Variants in RANBP17 observed in about 807,000 individuals in gnomAD.
RANBP17 encodes the protein ran-binding protein 17.
A neutral mutation model predicts 141.2 loss-of-function variants in RANBP17; 158 were observed. The observed-to-expected ratio is 1.12, with a 90% CI of 0.98 to 1.28. The LOEUF (loss-of-function observed/expected upper bound fraction) is 1.28. RANBP17 is among the 50% of genes most tolerant of loss of function. The pLI is 0.00. For missense variants in RANBP17, 1,438 were observed against 1,290.7 expected (o/e 1.11, Z -1.75); for synonymous variants, 430 against 450.0 (o/e 0.96, Z 0.56).
At chr5:170,893,206 A>G (rs955921590) in intron 4 of RANBP17, among the ~76,000 whole-genome samples, 6 of 151,418 alleles carry the variant, frequency 4.0e-5, no homozygotes, top group African/African-American at 1.2e-4. Flanking sequence ...GTATATGCAC[A>G]TTTAACTTAC....
chr5:171,261,126 AAG>A (rs1446949060), intron 24 of RANBP17, among the ~76,000 whole-genome samples: 3 of 143,474 alleles, frequency 2.1e-5, no homozygotes, highest in African/African-American at 5.0e-5. Flanking sequence ...AAAAACCCTA[AAG>A]AGAGAAGAAT....
At chr5:171,116,849 A>G (rs913784872) in intron 14 of RANBP17, among the ~76,000 whole-genome samples, 2 of 151,912 alleles carry the variant, frequency 1.3e-5, no homozygotes, top group Admixed American at 6.6e-5. Context: ...AATATTCTCT[A>G]TTCTACTTTT....
At chr5:171,246,907 G>A (rs1765246316) in intron 24 of RANBP17, among the ~76,000 whole-genome samples, 1 of 152,140 alleles carries the variant, frequency 6.6e-6, no homozygotes, top group Non-Finnish European at 1.5e-5. Context: ...AAGCAGGTTA[G>A]GTACTCTAAG....
intron 24 of RANBP17, among the ~76,000 whole-genome samples, chr5:171,258,382 C>T (rs1469826527): frequency 6.6e-6 from 1 of 151,774 alleles, no homozygotes; most frequent in Non-Finnish European, 1.5e-5. Flanking sequence ...TTTTTTAAAT[C>T]CTAAAATTCA....
At chr5:171,251,218 A>T (rs1765538122) in intron 24 of RANBP17, among the ~76,000 whole-genome samples, 1 of 151,980 alleles carries the variant, frequency 6.6e-6, no homozygotes. Context: ...CCTCCCAAGT[A>T]GCTGGGACTA....
At chr5:171,256,084 G>T (rs1765872486) in intron 24 of RANBP17, among the ~76,000 whole-genome samples, 1 of 152,138 alleles carries the variant, frequency 6.6e-6, no homozygotes, top group Non-Finnish European at 1.5e-5. Context: ...GATGGCAGTA[G>T]AAAGACCACA....
chr5:171,256,995 C>T lies in RANBP17; in HGVS notation c.2777-8686C>T, dbSNP rs572921595. On this transcript the variant is annotated intron_variant, in intron 24 of 27. Transcript: ENST00000523189. ...GTACAAACATACAAAACCAAATATA[C>T]AAAGAAGAGCTAATACCAGTCCTCC... Among the ~76,000 whole-genome samples the T allele has an allele frequency of 3.1e-4, 47 of 151,518 alleles. 1 individual carries two copies. In the South Asian group the frequency reaches 9.8e-3, roughly 32 times the overall value.
intron 21 of RANBP17, among the ~76,000 whole-genome samples, chr5:171,216,445 A>G (rs1480371821): frequency 6.6e-6 from 1 of 152,176 alleles, no homozygotes; most frequent in African/African-American, 2.4e-5. Context: ...GAAGAAAGAT[A>G]CTGGTAGCTT....
At chr5:171,186,637 C>A in intron 18 of RANBP17, among the ~76,000 whole-genome samples, 2 of 140,058 alleles carry the variant, frequency 1.4e-5, no homozygotes, top group African/African-American at 2.7e-5. Flanking sequence ...CCCGGGTTCA[C>A]GCCATTCTCC....
rs140694292 is a variant in RANBP17 at position 170,986,837 on chromosome 5, A to G, written c.1710+18460A>G. Among the ~76,000 whole-genome samples, 689 of 151,996 alleles carry G rather than the reference A, an allele frequency of 4.5e-3. 4 individuals are homozygous for G. Among genetic ancestry groups the G allele is most frequent in the African/African-American group, 0.016 (659 of 41,530 alleles). ...TCTTCCTGTATGGTATGTTACTGTA[A>G]TAACAGTTACTGTTAAATTGAGTAG... is the stretch of plus-strand genomic sequence containing the variant. On this transcript the variant is annotated intron_variant, in intron 14 of 27. Transcript: ENST00000523189.
chr5:171,255,339 A>G (rs1476561497), intron 24 of RANBP17, among the ~76,000 whole-genome samples: 3 of 152,230 alleles, frequency 2.0e-5, no homozygotes, highest in African/African-American at 4.8e-5. Context: ...AACATTAGCT[A>G]TATCACAACA....
chr5:170,918,725 C>G lies in RANBP17; in HGVS notation c.967C>G (p.Pro323Ala). The G allele has an allele frequency of 6.2e-7, 1 of 1,601,860 alleles. No homozygotes were observed. Among genetic ancestry groups the G allele is most frequent in the Non-Finnish European group, 8.5e-7 (1 of 1,174,144 alleles). The change falls in exon 10 of 28, where the codon CCA becomes GCA. Residue 323 changes from proline to alanine, a missense_variant. By Grantham distance (27) the Pro-to-Ala change is conservative. Transcript: ENST00000523189. ...ILENPQGLSD[P>A]GNYHEFCRFL... ...TCTCATAATTTAGGGTTTGTCTGAT[C>G]CAGGTAATTATCATGAATTTTGTCG...
chr5:170,960,611 C>T (rs1424885988), intron 13 of RANBP17, among the ~76,000 whole-genome samples: 1 of 152,166 alleles, frequency 6.6e-6, no homozygotes, highest in Non-Finnish European at 1.5e-5. Context: ...TCTCCTCTGC[C>T]AGTTTAGCTA....
intron 18 of RANBP17, among the ~76,000 whole-genome samples, chr5:171,192,850 G>T (rs1384804484): frequency 2.6e-5 from 4 of 152,124 alleles, no homozygotes; most frequent in Non-Finnish European, 4.4e-5. Flanking sequence ...ATCCTGACCT[G>T]CCTGAAGCCA....
intron 14 of RANBP17, among the ~76,000 whole-genome samples, chr5:171,081,852 T>C (rs918578856): frequency 6.6e-6 from 1 of 152,162 alleles, no homozygotes; most frequent in Non-Finnish European, 1.5e-5. Context: ...TACTATCAGA[T>C]GAACAGTTCT....
At chr5:170,915,230 T>G (rs1036797125) in intron 8 of RANBP17, among the ~76,000 whole-genome samples, 6 of 152,172 alleles carry the variant, frequency 3.9e-5, no homozygotes, top group Non-Finnish European at 5.9e-5. Flanking sequence ...AAACAACTGC[T>G]TTGAGAGATA....
chr5:170,992,927 C>T (rs1778599573), intron 14 of RANBP17, among the ~76,000 whole-genome samples: 1 of 151,960 alleles, frequency 6.6e-6, no homozygotes. Context: ...TGAGGTAGGC[C>T]CAGCAAGCCC....
At chr5:170,989,664 G>A (rs1432626150) in intron 14 of RANBP17, among the ~76,000 whole-genome samples, 1 of 151,656 alleles carries the variant, frequency 6.6e-6, no homozygotes, top group Non-Finnish European at 1.5e-5. Flanking sequence ...TGAGAGCTTG[G>A]TATTAAGTAG....
chr5:171,016,567 G>A (rs1481538388), intron 14 of RANBP17, among the ~76,000 whole-genome samples: 1 of 151,682 alleles, frequency 6.6e-6, no homozygotes, highest in Non-Finnish European at 1.5e-5. Context: ...AAGTTCTAGG[G>A]TACATGTGCA....
Sources: gnomAD v4.1 joint callset for allele counts (sites outside exome capture counted in the v4.1 genomes callset) on GRCh38, gnomAD v4.1.1 for gene constraint, MANE v1.5 for transcripts, NCBI Gene and HGNC (gene_info 2026-07-23, HGNC 2026-07-21) for gene names.